The following DOK6 variants were observed in gnomAD, a reference collection of about 807,000 sequenced individuals.
DOK6 encodes the protein downstream of tyrosine kinase 6.
DOK6 carries 22 observed loss-of-function variants against 44.0 expected under a neutral mutation model. The ratio of observed to expected loss-of-function variants is 0.50; its 90% confidence interval spans 0.36 to 0.71. DOK6 has a LOEUF of 0.71. DOK6 is among the 30% of genes least tolerant of loss of function. DOK6 has a pLI of 0.00. For missense variants in DOK6, 340 were observed against 416.4 expected, an observed-to-expected ratio of 0.82 and a Z score of 1.60; for synonymous variants, 166 against 145.5, an observed-to-expected ratio of 1.14 and a Z score of -1.01.
intron 7 of DOK6, among the ~76,000 whole-genome samples, chr18:69,817,594 C>T (rs1599341827): frequency 6.6e-6 from 1 of 152,130 alleles, no homozygotes. Context: ...ACTGCATTCT[C>T]TCTCTCTCTT....
chr18:69,597,992 C>T (rs893775076), intron 2 of DOK6, among the ~76,000 whole-genome samples: 3 of 152,174 alleles, frequency 2.0e-5, no homozygotes, highest in Non-Finnish European at 4.4e-5. Flanking sequence ...CTTTCAGCCA[C>T]TCTCTGTAGT....
chr18:69,700,333 C>G (rs901309486), intron 5 of DOK6, among the ~76,000 whole-genome samples: 2 of 151,224 alleles, frequency 1.3e-5, no homozygotes, highest in South Asian at 4.2e-4. Flanking sequence ...TCCCTTGGAT[C>G]CTTCTAGATA....
intron 1 of DOK6, among the ~76,000 whole-genome samples, chr18:69,550,664 A>G (rs966137905): frequency 1.3e-4 from 20 of 151,912 alleles, no homozygotes; most frequent in African/African-American, 4.6e-4. Flanking sequence ...GAGAGCTAAG[A>G]GTTATTTTAC....
intron 1 of DOK6, among the ~76,000 whole-genome samples, chr18:69,425,319 C>G (rs186630109): frequency 6.6e-6 from 1 of 151,906 alleles, no homozygotes; most frequent in Non-Finnish European, 1.5e-5. Context: ...GTGCTACCTG[C>G]TACTTAGGAC....
chr18:69,565,896 T>G lies in DOK6; in HGVS notation c.174+1302T>G, dbSNP rs558321916. ...GAATTCTAAAGTCTTGCTGATATGT[T>G]TGTGTTATAACTATGATTATGACTT... is the stretch of plus-strand genomic sequence containing the variant. On this transcript the variant is annotated intron_variant, in intron 2 of 7. Coordinates refer to ENST00000382713, the MANE Select transcript of DOK6 (RefSeq NM_152721.6). Among the ~76,000 whole-genome samples, 232 of 152,330 alleles carry G rather than the reference T, an allele frequency of 1.5e-3. 2 individuals are homozygous for G. Among genetic ancestry groups the G allele is most frequent in the African/African-American group, 5.3e-3 (221 of 41,582 alleles).
chr18:69,667,367 T>A (rs1445820658), intron 3 of DOK6, among the ~76,000 whole-genome samples: 1 of 152,214 alleles, frequency 6.6e-6, no homozygotes, highest in Non-Finnish European at 1.5e-5. Context: ...CTGCACTGAC[T>A]CCAACTTCTG....
At chr18:69,768,186 G>A (rs1208832252) in intron 7 of DOK6, among the ~76,000 whole-genome samples, 3 of 151,930 alleles carry the variant, frequency 2.0e-5, no homozygotes, top group Non-Finnish European at 4.4e-5. Context: ...TATTCAGAAG[G>A]GAATAAACAG....
At chr18:69,725,786 C>T (rs1978303953) in intron 5 of DOK6, among the ~76,000 whole-genome samples, 1 of 152,218 alleles carries the variant, frequency 6.6e-6, no homozygotes, top group South Asian at 2.1e-4. Flanking sequence ...CCCGCCCACC[C>T]CTGAAGTGTA....
At chr18:69,413,066 A>T (rs1978313061) in intron 1 of DOK6, among the ~76,000 whole-genome samples, 2 of 152,098 alleles carry the variant, frequency 1.3e-5, no homozygotes, top group African/African-American at 2.4e-5. Flanking sequence ...GAGAATATTT[A>T]TGGTTGCTTA....
chr18:69,585,296 ATATT>A (rs1188368436), intron 2 of DOK6, among the ~76,000 whole-genome samples: 2 of 151,734 alleles, frequency 1.3e-5, no homozygotes, highest in African/African-American at 4.8e-5. Flanking sequence ...TATATGTAGA[ATATT>A]TAATTATCTT....
chr18:69,727,282 T>C (rs2144728573), intron 5 of DOK6, among the ~76,000 whole-genome samples: 1 of 152,190 alleles, frequency 6.6e-6, no homozygotes, highest in East Asian at 1.9e-4. Flanking sequence ...ACACGTGAGT[T>C]TGGGGGAACA....
Position 69,501,987 on chromosome 18 carries a change from C to T in DOK6, c.67-62500C>T, listed in dbSNP as rs528307155. On this transcript the variant is annotated intron_variant, in intron 1 of 7. Coordinates refer to ENST00000382713, the MANE Select transcript of DOK6 (RefSeq NM_152721.6). ...GATCTGTAACAGTGGAATAATATTT[C>T]TTCCTTAATGTCTTCAGAAGAGCCA... Among the ~76,000 whole-genome samples, 3 of 152,206 alleles carry T rather than the reference C, an allele frequency of 2.0e-5. No homozygotes were observed. In the South Asian group the frequency reaches 6.2e-4, roughly 32 times the overall value.
At position 69,481,572 on chromosome 18, in the gene DOK6, A is replaced by G. The variant is rs1028365726; in HGVS notation, c.66+80262A>G. Among the ~76,000 whole-genome samples, 3 of 152,242 alleles carry G rather than the reference A, an allele frequency of 2.0e-5. No homozygotes were observed. The South Asian group carries it at 6.2e-4, about 32-fold the overall frequency. Reference sequence around the variant, plus strand: ...TGAACTCATCCTTTTTTATGGCTGCATAGTATACCATGGTGTATGTGTGCC... The same window carrying G: ...TGAACTCATCCTTTTTTATGGCTGCGTAGTATACCATGGTGTATGTGTGCC... On this transcript the variant is annotated intron_variant, in intron 1 of 7. Transcript: ENST00000382713.
intron 6 of DOK6, among the ~76,000 whole-genome samples, chr18:69,750,484 A>G (rs886247905): frequency 3.9e-5 from 6 of 152,228 alleles, no homozygotes; most frequent in Admixed American, 6.5e-5. Flanking sequence ...AATGCTGTAC[A>G]TTGCTATTCA....
At chr18:69,698,881 A>G (rs1046749259) in intron 5 of DOK6, among the ~76,000 whole-genome samples, 7 of 152,208 alleles carry the variant, frequency 4.6e-5, no homozygotes, top group African/African-American at 1.7e-4. Flanking sequence ...ATGTTTTGCA[A>G]GATTATTACA....
chr18:69,651,793 G>A (rs974819208), intron 3 of DOK6, among the ~76,000 whole-genome samples: 1 of 151,884 alleles, frequency 6.6e-6, no homozygotes, highest in Non-Finnish European at 1.5e-5. Context: ...AGCCCCATCA[G>A]CCCCCTTTAA....
chr18:69,494,164 C>T (rs62095263), intron 1 of DOK6, among the ~76,000 whole-genome samples: 20,451 of 152,114 alleles, frequency 0.13, 1,771 homozygotes, highest in Non-Finnish European at 0.18. Context: ...CAAGTTAAAC[C>T]CACTTAAGAT....
intron 7 of DOK6, among the ~76,000 whole-genome samples, chr18:69,769,544 C>T (rs1236181859): frequency 6.6e-6 from 1 of 152,010 alleles, no homozygotes; most frequent in Non-Finnish European, 1.5e-5. Context: ...GTCCAAACTT[C>T]TGATAGTATA....
At chr18:69,439,924 T>G in intron 1 of DOK6, among the ~76,000 whole-genome samples, 1 of 152,224 alleles carries the variant, frequency 6.6e-6, no homozygotes. Flanking sequence ...AGCTCTTGCT[T>G]TTGGGCTATC....
Sources: allele counts gnomAD v4.1 joint callset (sites outside exome capture counted in the v4.1 genomes callset), GRCh38; gene constraint gnomAD v4.1.1; transcripts MANE v1.5; gene names NCBI Gene and HGNC (gene_info 2026-07-23, HGNC 2026-07-21).